LYPD6B: variants seen among roughly 807,000 people sequenced by gnomAD.
LYPD6B encodes ly6/PLAUR domain-containing protein 6B.
A neutral mutation model predicts 22.8 loss-of-function variants in LYPD6B; 17 were observed. The observed-to-expected ratio is 0.75, with a 90% CI of 0.51 to 1.12. LYPD6B has a LOEUF of 1.12. Ranked by LOEUF, LYPD6B falls within the 50% of genes most tolerant of loss-of-function variation. The pLI, the probability that LYPD6B is intolerant of heterozygous loss-of-function variation, is 0.00. For missense variants in LYPD6B, 221 were observed against 258.3 expected (o/e 0.86, Z 0.99); for synonymous variants, 106 against 91.6 (o/e 1.16, Z -0.90).
At chr2:149,099,504 G>A (rs1156995169) in intron 1 of LYPD6B, among the ~76,000 whole-genome samples, 3 of 149,830 alleles carry the variant, frequency 2.0e-5, no homozygotes, top group South Asian at 2.1e-4. Context: ...GGGCCAGCAG[G>A]AGGCAATCCG....
rs923151740 is a variant in LYPD6B at position 149,110,881 on chromosome 2, C to T, written c.-66-20002C>T. Among the ~76,000 whole-genome samples the T allele has an allele frequency of 3.9e-5, 6 of 151,950 alleles. 1 individual carries two copies. Among genetic ancestry groups the T allele is most frequent in the Admixed American group, 3.9e-4 (6 of 15,256 alleles). Reference sequence around the variant, plus strand: ...AATAAGGCAGAGTAAAAGGAGAGAACAATGGGGAGTGGAATAGGATGCAGT... The same window carrying T: ...AATAAGGCAGAGTAAAAGGAGAGAATAATGGGGAGTGGAATAGGATGCAGT... On this transcript the variant is annotated intron_variant, in intron 1 of 6. Coordinates refer to ENST00000409642, the MANE Select transcript of LYPD6B (RefSeq NM_177964.5).
chr2:149,212,963 GGTTTT>G (rs2106186897), intron 5 of LYPD6B, 24 bp from the exon 6 acceptor site: 1 of 1,604,564 alleles, frequency 6.2e-7, no homozygotes, highest in Non-Finnish European at 8.5e-7. Flanking sequence ...CTTGTTTCTT[GGTTTT>G]GTTTTTTGTT....
At chr2:149,045,800 T>G (rs1683279846) in intron 1 of LYPD6B, among the ~76,000 whole-genome samples, 1 of 152,186 alleles carries the variant, frequency 6.6e-6, no homozygotes, top group Admixed American at 6.5e-5. Flanking sequence ...ATATTTGTTT[T>G]ATGACCCAGA....
At chr2:149,059,698 A>G (rs1339092379) in intron 1 of LYPD6B, among the ~76,000 whole-genome samples, 1 of 152,194 alleles carries the variant, frequency 6.6e-6, no homozygotes, top group Non-Finnish European at 1.5e-5. Flanking sequence ...GGGCTGAAAG[A>G]TGAACAGGTC....
At chr2:149,066,008 G>A (rs558175764) in intron 1 of LYPD6B, among the ~76,000 whole-genome samples, 1 of 151,928 alleles carries the variant, frequency 6.6e-6, no homozygotes, top group East Asian at 1.9e-4. Flanking sequence ...TACCGCACTC[G>A]GCCCTAATAA....
chr2:149,072,756 C>T (rs1002287774), intron 1 of LYPD6B, among the ~76,000 whole-genome samples: 5 of 151,814 alleles, frequency 3.3e-5, no homozygotes, highest in African/African-American at 7.3e-5. Flanking sequence ...AGGCTGGTCT[C>T]GAACTCCTGA....
chr2:149,108,466 T>G (rs1222882144), intron 1 of LYPD6B, among the ~76,000 whole-genome samples: 1 of 152,246 alleles, frequency 6.6e-6, no homozygotes, highest in Non-Finnish European at 1.5e-5. Context: ...ATCCCTGAAA[T>G]TCTTTGTTGC....
intron 2 of LYPD6B, among the ~76,000 whole-genome samples, chr2:149,155,189 G>A (rs2105850962): frequency 6.6e-6 from 1 of 152,284 alleles, no homozygotes; most frequent in Middle Eastern, 3.4e-3. Flanking sequence ...TCATCCTTTT[G>A]CTTCTCCCTT....
chr2:149,075,223 C>G (rs1684827840), intron 1 of LYPD6B, among the ~76,000 whole-genome samples: 1 of 152,156 alleles, frequency 6.6e-6, no homozygotes, highest in Admixed American at 6.5e-5. Flanking sequence ...ATAAACTGTT[C>G]TCAAATCTTT....
intron 1 of LYPD6B, among the ~76,000 whole-genome samples, chr2:149,097,134 C>T (rs943147585): frequency 2.6e-5 from 4 of 152,220 alleles, no homozygotes; most frequent in Non-Finnish European, 5.9e-5. Context: ...CCTGTAGGCA[C>T]GCTGCTCCCA....
At chr2:149,195,543 C>T (rs1231963839) in intron 3 of LYPD6B, among the ~76,000 whole-genome samples, 1 of 152,202 alleles carries the variant, frequency 6.6e-6, no homozygotes, top group Non-Finnish European at 1.5e-5. Context: ...CTAAATACTG[C>T]TCTCACATGT....
chr2:149,147,506 TTTTGTTTG>T (rs970276349), intron 2 of LYPD6B, among the ~76,000 whole-genome samples: 1 of 151,992 alleles, frequency 6.6e-6, no homozygotes, highest in African/African-American at 2.4e-5. Flanking sequence ...TTTTTTTGTT[TTTTGTTTG>T]TTTGTTTGTT....
chr2:149,061,026 G>A (rs1010423211), intron 1 of LYPD6B, among the ~76,000 whole-genome samples: 2 of 152,034 alleles, frequency 1.3e-5, no homozygotes, highest in African/African-American at 4.8e-5. Flanking sequence ...TGCTTTCAGA[G>A]CCTTTGAGAG....
chr2:149,187,467 A>T, intron 3 of LYPD6B: 1 of 1,524,346 alleles, frequency 6.6e-7, no homozygotes, highest in Non-Finnish European at 8.8e-7. Flanking sequence ...AATCACAGTA[A>T]ACCAAACAAA....
At chr2:149,153,129 G>A (rs955665308) in intron 2 of LYPD6B, among the ~76,000 whole-genome samples, 2 of 152,218 alleles carry the variant, frequency 1.3e-5, no homozygotes, top group Non-Finnish European at 2.9e-5. Flanking sequence ...AAGTTGTTTT[G>A]AGCTGGGCTT....
chr2:149,203,161 C>T (rs1693281858), intron 3 of LYPD6B, among the ~76,000 whole-genome samples: 2 of 152,186 alleles, frequency 1.3e-5, no homozygotes, highest in South Asian at 2.1e-4. Flanking sequence ...GAGGTAAGTA[C>T]TATCCTATGC....
chr2:149,109,425 T>C (rs557714526), intron 1 of LYPD6B, among the ~76,000 whole-genome samples: 1 of 152,314 alleles, frequency 6.6e-6, no homozygotes, highest in African/African-American at 2.4e-5. Context: ...TGCCCTTTTC[T>C]CTGGCTACTT....
At chr2:149,205,471 T>C (rs1693455050) in intron 4 of LYPD6B, 67 bp downstream of exon 4, 3 of 1,488,974 alleles carry the variant, frequency 2.0e-6, no homozygotes, top group Non-Finnish European at 2.7e-6. Flanking sequence ...GAAGCCCCCT[T>C]TTCCATTTAT....
intron 1 of LYPD6B, among the ~76,000 whole-genome samples, chr2:149,042,805 C>G (rs979069761): frequency 6.6e-6 from 1 of 152,214 alleles, no homozygotes; most frequent in Non-Finnish European, 1.5e-5. Flanking sequence ...CTTATTCTCT[C>G]TTGTTTCCAG....
Sources: gnomAD v4.1 joint callset for allele counts (sites outside exome capture counted in the v4.1 genomes callset) on GRCh38, gnomAD v4.1.1 for gene constraint, MANE v1.5 for transcripts, NCBI Gene and HGNC (gene_info 2026-07-23, HGNC 2026-07-21) for gene names.